TENM4: variants seen among roughly 807,000 people sequenced by gnomAD.
The protein encoded by TENM4 is teneurin-4.
In TENM4, 82 loss-of-function variants were observed where a neutral mutation model predicts 243.3. That is an observed-to-expected ratio of 0.34 (90% CI 0.28 to 0.40). The LOEUF (loss-of-function observed/expected upper bound fraction) is 0.40. Among genes scored for constraint, TENM4 ranks in the 10% least tolerant of loss-of-function variants. The pLI, the probability that TENM4 is intolerant of heterozygous loss-of-function variation, is 1.00. For missense variants in TENM4, 3,138 were observed against 3,673.3 expected, an observed-to-expected ratio of 0.85 and a Z score of 3.77; for synonymous variants, 1,412 against 1,456.3, an observed-to-expected ratio of 0.97 and a Z score of 0.69.
intron 21 of TENM4, 125 bp from the exon 22 acceptor site, chr11:78,729,768 G>A: frequency 7.9e-7 from 1 of 1,272,004 alleles, no homozygotes; most frequent in Non-Finnish European, 1.1e-6. Flanking sequence ...GAGAGAGGAG[G>A]GGAAAAAAAG....
intron 1 of TENM4, among the ~76,000 whole-genome samples, chr11:79,299,426 C>G (rs1209631338): frequency 6.6e-6 from 1 of 152,186 alleles, no homozygotes; most frequent in Admixed American, 6.5e-5. Context: ...TCCTCAGACC[C>G]CAGATATGCA....
chr11:79,437,341 C>T (rs932181776), intron 1 of TENM4, among the ~76,000 whole-genome samples: 6 of 152,228 alleles, frequency 3.9e-5, no homozygotes, highest in African/African-American at 1.4e-4. Context: ...AGGGCTCCCC[C>T]GCTGAAAGCC....
intron 6 of TENM4, among the ~76,000 whole-genome samples, chr11:79,051,194 C>T (rs968507775): frequency 1.3e-5 from 2 of 152,202 alleles, no homozygotes; most frequent in Non-Finnish European, 2.9e-5. Flanking sequence ...GTGCCAGACA[C>T]GATTCTAAGT....
In TENM4 at chr11:79,378,406, G is replaced by A. The variant is rs548557566; in HGVS notation, c.-321+62103C>T. On this transcript the variant is annotated intron_variant, in intron 1 of 33. Coordinates refer to ENST00000278550, the MANE Select transcript of TENM4 (RefSeq NM_001098816.3). ...ACAGGGGAAAGAAGATGATGAAAAC[G>A]AGCAAGACTGGTGGAGAAGGAACAT... Among the ~76,000 whole-genome samples the A allele has an allele frequency of 9.8e-5, 15 of 152,350 alleles. No individual in the cohort carries two copies. In the South Asian group the frequency reaches 1.0e-3, roughly 11 times the overall value.
intron 6 of TENM4, among the ~76,000 whole-genome samples, chr11:78,992,769 CACTT>C (rs1741574278): frequency 1.3e-5 from 2 of 152,210 alleles, no homozygotes; most frequent in African/African-American, 4.8e-5. Context: ...CCTACAATCT[CACTT>C]ACTATCTGCG....
intron 6 of TENM4, among the ~76,000 whole-genome samples, chr11:78,912,411 T>A (rs1856209448): frequency 6.6e-6 from 1 of 152,158 alleles, no homozygotes. Flanking sequence ...CACGCCACCA[T>A]GCCTGGCTAA....
chr11:79,396,533 C>CAA (rs1238095892), intron 1 of TENM4, among the ~76,000 whole-genome samples: 1 of 152,176 alleles, frequency 6.6e-6, no homozygotes, highest in African/African-American at 2.4e-5. Context: ...CTTCCTGGCT[C>CAA]CCAAAGCAGC....
chr11:79,138,960 A>G (rs1465145267), intron 4 of TENM4, among the ~76,000 whole-genome samples: 2 of 103,158 alleles, frequency 1.9e-5, no homozygotes, highest in East Asian at 4.9e-4. Flanking sequence ...ATATTTCCAT[A>G]AATATATAAA....
At chr11:78,991,627 T>C (rs892381270) in intron 6 of TENM4, among the ~76,000 whole-genome samples, 3 of 152,170 alleles carry the variant, frequency 2.0e-5, no homozygotes, top group African/African-American at 7.2e-5. Flanking sequence ...CCTGGGTCTG[T>C]AGGAGGTTTC....
intron 1 of TENM4, among the ~76,000 whole-genome samples, chr11:79,364,408 G>A (rs1857641751): frequency 6.6e-6 from 1 of 151,900 alleles, no homozygotes; most frequent in South Asian, 2.1e-4. Context: ...TTTTTTCCCT[G>A]CCCAAGTCTG....
chr11:79,203,114 G>A (rs865857122), intron 3 of TENM4, among the ~76,000 whole-genome samples: 25 of 151,600 alleles, frequency 1.6e-4, no homozygotes, highest in African/African-American at 6.1e-4. Flanking sequence ...AATACAAAAA[G>A]ACATATAATA....
At chr11:78,801,597 T>C (rs1019924642) in intron 15 of TENM4, among the ~76,000 whole-genome samples, 13 of 152,182 alleles carry the variant, frequency 8.5e-5, no homozygotes, top group African/African-American at 2.9e-4. Context: ...GGGCTGGTTG[T>C]TGAGTGCAGG....
chr11:78,820,156 A>G (rs575865039), intron 12 of TENM4, among the ~76,000 whole-genome samples: 1 of 152,268 alleles, frequency 6.6e-6, no homozygotes, highest in Non-Finnish European at 1.5e-5. Context: ...AGGTTGAAGG[A>G]AGAGTCCAAC....
At chr11:79,203,359 C>T (rs1278613651) in intron 3 of TENM4, among the ~76,000 whole-genome samples, 1 of 152,078 alleles carries the variant, frequency 6.6e-6, no homozygotes, top group East Asian at 1.9e-4. Context: ...GAAAACAACC[C>T]AAATGTCCAT....
At chr11:79,121,182 TG>T (rs1861738326) in intron 4 of TENM4, among the ~76,000 whole-genome samples, 1 of 14,566 alleles carries the variant, frequency 6.9e-5, no homozygotes, top group East Asian at 9.8e-4. Context: ...CTAGTTTTCT[TG>T]TTTACATAGG....
chr11:79,304,395 GC>G (rs778633152), intron 1 of TENM4, among the ~76,000 whole-genome samples: 3 of 152,176 alleles, frequency 2.0e-5, no homozygotes, highest in Non-Finnish European at 2.9e-5. Flanking sequence ...AAGCTGAGTT[GC>G]TTGCATTGCC....
At chr11:79,050,809 G>C (rs567253824) in intron 6 of TENM4, among the ~76,000 whole-genome samples, 11 of 152,342 alleles carry the variant, frequency 7.2e-5, no homozygotes, top group South Asian at 6.2e-4. Context: ...ATTTGAGGGA[G>C]AGTTTCTTCC....
intron 18 of TENM4, among the ~76,000 whole-genome samples, chr11:78,766,602 G>A (rs1021002233): frequency 4.6e-5 from 7 of 152,088 alleles, no homozygotes; most frequent in Non-Finnish European, 7.4e-5. Flanking sequence ...AGTCACGTGA[G>A]GGATCTTGTT....
intron 26 of TENM4, among the ~76,000 whole-genome samples, chr11:78,709,331 A>C (rs778504854): frequency 2.6e-5 from 4 of 152,062 alleles, no homozygotes; most frequent in Non-Finnish European, 4.4e-5. Flanking sequence ...ACGGAATCTG[A>C]ATAGAATCCT....
Sources: gnomAD v4.1 joint callset for allele counts (sites outside exome capture counted in the v4.1 genomes callset) on GRCh38, gnomAD v4.1.1 for gene constraint, MANE v1.5 for transcripts, NCBI Gene and HGNC (gene_info 2026-07-23, HGNC 2026-07-21) for gene names.